Variants in CACNA1C observed in about 807,000 individuals in gnomAD.
CACNA1C encodes the protein calcium voltage-gated channel subunit alpha1 C, also known as voltage-dependent L-type calcium channel subunit alpha-1C.
Under a neutral mutation model 229.0 loss-of-function variants are expected in CACNA1C, and 30 were observed. The observed-to-expected ratio is 0.13, with a 90% CI of 0.10 to 0.18. The LOEUF (loss-of-function observed/expected upper bound fraction) is 0.18, where lower values mean the gene tolerates loss of function less well. CACNA1C is among the 10% of genes least tolerant of loss of function. CACNA1C has a pLI of 1.00. For missense variants in CACNA1C, 1,658 were observed against 2,845.0 expected, an observed-to-expected ratio of 0.58 and a Z score of 9.49; for synonymous variants, 1,114 against 1,132.5, an observed-to-expected ratio of 0.98 and a Z score of 0.33.
intron 5 of CACNA1C, among the ~76,000 whole-genome samples, chr12:2,463,319 A>T (rs536749009): frequency 6.6e-6 from 1 of 152,244 alleles, no homozygotes; most frequent in African/African-American, 2.4e-5. Context: ...TGAGTCATTT[A>T]TCAATTTGTT....
rs533970962 is a variant in CACNA1C at position 2,504,088 on chromosome 12, C to T, written c.1114-754C>T. Among the ~76,000 whole-genome samples the T allele has an allele frequency of 6.6e-6, 1 of 152,314 alleles. No homozygotes were observed. The highest frequency in any genetic ancestry group is 6.5e-5 in the Admixed American group (1 of 15,296). ...ACAGAAGGCTTAATGTCCAGGCAAA[C>T]CCAAGTGAGTTAAACCATCCCATGC... is the stretch of plus-strand genomic sequence containing the variant. On this transcript the variant is annotated intron_variant, in intron 7 of 46. Coordinates refer to ENST00000399655, the MANE Select transcript of CACNA1C (RefSeq NM_000719.7). This position sits in a 1 kb window ranked among gnomAD's most constrained non-coding sequence, Gnocchi z 6.8.
rs777709480 is a variant in CACNA1C, at chr12:2,152,724, G to C, written c.477+32294G>C. Among the ~76,000 whole-genome samples the C allele has an allele frequency of 2.0e-5, 3 of 152,184 alleles. No individual in the cohort carries two copies. The highest frequency in any genetic ancestry group is 4.4e-5 in the Non-Finnish European group (3 of 68,032). Reference sequence around the variant, plus strand: ...AAAAATAAAACAACAGATAGCACTTGGATAAGTTGGCCAAGTTCAAGTAAC... The same window carrying C: ...AAAAATAAAACAACAGATAGCACTTCGATAAGTTGGCCAAGTTCAAGTAAC... On this transcript the variant is annotated intron_variant, in intron 3 of 46. Transcript: ENST00000399655. The surrounding 1 kb of genome is among the most constrained non-coding windows in gnomAD (Gnocchi z 4.2).
intron 3 of CACNA1C, among the ~76,000 whole-genome samples, chr12:2,166,981 G>A (rs1027436871): frequency 1.3e-5 from 2 of 152,212 alleles, no homozygotes; most frequent in African/African-American, 4.8e-5. Flanking sequence ...TCAAGACAAT[G>A]TGAGCAAGGT....
intron 3 of CACNA1C, among the ~76,000 whole-genome samples, chr12:2,198,175 G>A (rs2097470619): frequency 1.3e-5 from 2 of 152,164 alleles, no homozygotes; most frequent in African/African-American, 4.8e-5. Flanking sequence ...ACAGCAAAGG[G>A]CATCCTCAGG....
intron 3 of CACNA1C, among the ~76,000 whole-genome samples, chr12:2,186,469 G>A (rs568913643): frequency 2.6e-5 from 4 of 152,294 alleles, no homozygotes; most frequent in Non-Finnish European, 5.9e-5. Flanking sequence ...AAATGTGCCT[G>A]TACCCAAGAG....
intron 3 of CACNA1C, among the ~76,000 whole-genome samples, chr12:2,173,932 A>C (rs549138625): frequency 2.0e-5 from 3 of 152,080 alleles, no homozygotes; most frequent in Admixed American, 6.6e-5. Context: ...ATCAGGGACA[A>C]TATTACCTAC....
intron 3 of CACNA1C, among the ~76,000 whole-genome samples, chr12:2,240,423 G>C (rs2069463818): frequency 6.6e-6 from 1 of 152,192 alleles, no homozygotes; most frequent in South Asian, 2.1e-4. Context: ...CTTCTGTTGG[G>C]GTCTGTGATG....
At chr12:2,080,089 T>A (rs939944179) in intron 1 of CACNA1C, among the ~76,000 whole-genome samples, 36 of 151,790 alleles carry the variant, frequency 2.4e-4, no homozygotes, top group African/African-American at 8.7e-4. Flanking sequence ...GGTGAAACCT[T>A]GTCTCTACTA....
intron 1 of CACNA1C, among the ~76,000 whole-genome samples, chr12:2,013,820 T>C (rs1397343631): frequency 2.0e-5 from 3 of 152,206 alleles, no homozygotes; most frequent in East Asian, 3.8e-4. Flanking sequence ...TTTATTTTTG[T>C]GCTTGTTGTG....
At chr12:2,399,317 C>A (rs956559192) in intron 3 of CACNA1C, among the ~76,000 whole-genome samples, 3 of 152,190 alleles carry the variant, frequency 2.0e-5, no homozygotes, top group Non-Finnish European at 1.5e-5. Flanking sequence ...GGGCGACAGC[C>A]TTTTACCCCC....
In CACNA1C at chr12:2,370,833, C is replaced by T. The variant is rs374354554; in HGVS notation, c.478-78143C>T. 1.1e-4 allele frequency among the ~76,000 whole-genome samples: 16 copies of T among 152,198 alleles called. No individual in the cohort carries two copies. In the South Asian group the frequency reaches 3.1e-3, roughly 30 times the overall value. ...CCAGGCTTGGTGTTGTGATTGTAGT[C>T]GAAGCTGACCTGGGTTGCCTTGGTG... On this transcript the variant is annotated intron_variant, in intron 3 of 46. Transcript: ENST00000399655.
In CACNA1C at chr12:2,275,241, A is replaced by C. The variant is rs1163906228; in HGVS notation, c.477+154811A>C. Among the ~76,000 whole-genome samples the C allele has an allele frequency of 6.6e-6, 1 of 152,130 alleles. No homozygotes were observed. The highest frequency in any genetic ancestry group is 2.4e-5 in the African/African-American group (1 of 41,414). On this transcript the variant is annotated intron_variant, in intron 3 of 46. Transcript: ENST00000399655. The surrounding 1 kb of genome is among the most constrained non-coding windows in gnomAD (Gnocchi z 4.1). ...ATCATCAGCAATGTTAGCCCGGCAA[A>C]CGTGATCTTTCTTTCCTTTGCCCAA... is the stretch of plus-strand genomic sequence containing the variant.
chr12:2,652,514 C>A (rs953907341), intron 32 of CACNA1C, among the ~76,000 whole-genome samples: 1 of 152,228 alleles, frequency 6.6e-6, no homozygotes, highest in South Asian at 2.1e-4. Context: ...AGGCTTCTCT[C>A]CCCCCATGGA....
At chr12:1,989,228 GT>G (rs1294900717) in intron 1 of CACNA1C, among the ~76,000 whole-genome samples, 2 of 152,118 alleles carry the variant, frequency 1.3e-5, no homozygotes, top group Non-Finnish European at 2.9e-5. Flanking sequence ...TAAAAAGGTT[GT>G]TTTAAATTAT....
At chr12:2,352,026 G>T (rs541284792) in intron 3 of CACNA1C, among the ~76,000 whole-genome samples, 265 of 152,328 alleles carry the variant, frequency 1.7e-3, no homozygotes, top group African/African-American at 5.8e-3. Flanking sequence ...AAATGTGTTG[G>T]TTGAAACGTC....
chr12:1,998,368 C>T (rs953003877), intron 1 of CACNA1C, among the ~76,000 whole-genome samples: 3 of 152,170 alleles, frequency 2.0e-5, no homozygotes, highest in Non-Finnish European at 4.4e-5. Flanking sequence ...CTGGTGTCTG[C>T]ATTTCACTAT....
intron 3 of CACNA1C, among the ~76,000 whole-genome samples, chr12:2,295,961 G>A (rs943020976): frequency 2.0e-5 from 3 of 152,206 alleles, no homozygotes; most frequent in Non-Finnish European, 4.4e-5. Flanking sequence ...CCTGTGATTG[G>A]GTTTTGCCCA....
chr12:2,076,492 C>T (rs2063237750), intron 1 of CACNA1C, among the ~76,000 whole-genome samples: 2 of 152,088 alleles, frequency 1.3e-5, no homozygotes, highest in African/African-American at 4.8e-5. Context: ...CCTCGCCTCA[C>T]TCCCTCCCTA....
chr12:2,661,554 G>A lies in CACNA1C; in HGVS notation c.4233-3271G>A, dbSNP rs140347929. On this transcript the variant is annotated intron_variant, in intron 34 of 46. Coordinates refer to ENST00000399655, the MANE Select transcript of CACNA1C (RefSeq NM_000719.7). Reference sequence around the variant, plus strand: ...CAAGGTTCAATATTTTTATTTGTGAGGTCTACCAGACTATCAAGGAGTGGA... The same window carrying A: ...CAAGGTTCAATATTTTTATTTGTGAAGTCTACCAGACTATCAAGGAGTGGA... Among the ~76,000 whole-genome samples the A allele has an allele frequency of 2.2e-3, 328 of 152,068 alleles. 3 individuals carry two copies. The highest frequency in any genetic ancestry group is 7.6e-3 in the African/African-American group (315 of 41,480).
Sources: gnomAD v4.1 joint callset for allele counts (sites outside exome capture counted in the v4.1 genomes callset) on GRCh38, gnomAD v4.1.1 for gene constraint, Gnocchi (gnomAD v3.1) non-coding constraint, MANE v1.5 for transcripts, NCBI Gene and HGNC (gene_info 2026-07-23, HGNC 2026-07-21) for gene names.